COCH: variants seen among roughly 807,000 people sequenced by gnomAD.
The protein encoded by COCH is coagulation factor C homolog, cochlin (Limulus polyphemus).
COCH carries 40 observed loss-of-function variants against 54.8 expected under a neutral mutation model. The observed-to-expected ratio is 0.73, with a 90% CI of 0.57 to 0.95. The LOEUF (loss-of-function observed/expected upper bound fraction) is 0.95. Among genes scored for constraint, COCH ranks in the 40% least tolerant of loss-of-function variants. The probability of loss-of-function intolerance (pLI) is 0.00; values close to 1 mark genes in which losing one functional copy is unlikely to be tolerated. For missense variants in COCH, 605 were observed against 675.0 expected, an observed-to-expected ratio of 0.90 and a Z score of 1.15; for synonymous variants, 256 against 237.9, an observed-to-expected ratio of 1.08 and a Z score of -0.70.
At position 30,889,680 on chromosome 14, in the gene COCH, T is replaced by C; in HGVS notation, c.1542T>C (p.Ser514=). ...APLDDLKDMA[S]KPKESHAFFT... ...TGGATGACCTGAAAGATATGGCTTC[T>C]AAACCGAAGGAGTCTCATGCTTTCT... Residue 514 remains serine, a synonymous_variant, in exon 12 of 12, where the codon TCT becomes TCC. Coordinates refer to ENST00000396618, the MANE Select transcript of COCH (RefSeq NM_004086.3). The C allele has an allele frequency of 6.2e-7, 1 of 1,614,110 alleles. No homozygotes were observed. The highest frequency in any genetic ancestry group is 8.5e-7 in the Non-Finnish European group (1 of 1,179,942).
intron 11 of COCH, among the ~76,000 whole-genome samples, chr14:30,887,079 C>T (rs1475845173): frequency 6.6e-6 from 1 of 152,062 alleles, no homozygotes; most frequent in Non-Finnish European, 1.5e-5. Context: ...TAAGGTCTCC[C>T]ATAGACTTTA....
Position 30,877,426 on chromosome 14 carries a change from G to C in COCH, c.83-146G>C. ...CTTGTGGCTTGCCAAAATCTGGAAT[G>C]GTATGGAAGGGTATATAAGTCAATA... On this transcript the variant is annotated intron_variant, in intron 3 of 11. Transcript: ENST00000396618. This position sits in a 1 kb window ranked among gnomAD's most constrained non-coding sequence, Gnocchi z 8.6. The C allele has an allele frequency of 1.0e-6, 1 of 985,852 alleles. No homozygotes were observed. 61.1% of individuals were successfully genotyped at this position (985,852 alleles called of 1,614,324 possible). A position where few individuals can be genotyped will look rare whatever the true frequency, so the allele number is the denominator to read the frequency against.
rs1895734973 is a variant in COCH at position 30,885,019 on chromosome 14, C to T, written c.733+363C>T. 2.5e-6 allele frequency: 4 copies of T among 1,598,164 alleles called. No homozygotes were observed. In the South Asian group the frequency reaches 3.3e-5, roughly 13 times the overall value. On this transcript the variant is annotated intron_variant, in intron 9 of 11. Transcript: ENST00000396618. ...AAAGAATGAGTAGCACTACCGTTGACTCTGAAGAGAGACTTCTTAGAGGTA... is the reference window on the plus strand; with the variant it reads ...AAAGAATGAGTAGCACTACCGTTGATTCTGAAGAGAGACTTCTTAGAGGTA...
At chr14:30,894,149 AG>A (rs1401382025), downstream of COCH, 1 of 152,582 alleles carries the variant, frequency 6.6e-6, no homozygotes, top group African/African-American at 2.4e-5. Flanking sequence ...AAAATAAAAC[AG>A]GGATAACTAG....
downstream of COCH, chr14:30,894,845 C>G: frequency 1.9e-6 from 1 of 532,614 alleles, no homozygotes; most frequent in Non-Finnish European, 2.7e-6. Context: ...TTTATCCAAA[C>G]ATTTTGTGCA....
intron 6 of COCH, 38 bp from the exon 7 acceptor site, chr14:30,880,414 C>A: frequency 6.2e-7 from 1 of 1,611,434 alleles, no homozygotes; most frequent in South Asian, 1.1e-5. Flanking sequence ...ATGTAACTGT[C>A]TTCCTTTTGT....
At chr14:30,893,666 G>A (rs1195514626), downstream of COCH, 1 of 152,176 alleles carries the variant, frequency 6.6e-6, no homozygotes, top group Non-Finnish European at 1.5e-5. Context: ...TTTAATGCAA[G>A]ACTTTTTCTT....
At chr14:30,887,399 GA>G (rs1204767410) in intron 11 of COCH, among the ~76,000 whole-genome samples, 2,351 of 111,896 alleles carry the variant, frequency 0.021, 59 homozygotes, top group East Asian at 0.11. Flanking sequence ...GTCTCAAAAA[GA>G]AAAAAAAAAA....
Position 30,880,714 on chromosome 14 carries a change from T to C in COCH, c.609T>C (p.His203=). 6.2e-7 allele frequency: 1 copy of C among 1,613,890 alleles called. No individual in the cohort carries two copies. The highest frequency in any genetic ancestry group is 8.5e-7 in the Non-Finnish European group (1 of 1,179,824). ...LMLGIGTEGP[H]VGLVQASEHP... ...TGGGAATTGGAACAGAAGGACCACA[T>C]GTGGGCCTTGTTCAAGCCAGGTACC... Residue 203 remains histidine (H), a synonymous_variant, in exon 8 of 12, where the codon CAT becomes CAC. Transcript: ENST00000396618.
intron 3 of COCH, chr14:30,875,421 G>T: frequency 1.7e-6 from 1 of 596,884 alleles, no homozygotes; most frequent in Non-Finnish European, 3.0e-6. Context: ...AGGAGGTCGA[G>T]GAAGGAGGAC....
In COCH at chr14:30,885,478, T is replaced by C; in HGVS notation, c.818T>C (p.Phe273Ser). 6.2e-7 allele frequency: 1 copy of C among 1,613,980 alleles called. No individual in the cohort carries two copies. Among genetic ancestry groups the C allele is most frequent in the South Asian group, 1.1e-5 (1 of 91,078 alleles). ...RKGIPKVVVV[F>S]IDGWPSDDIE... ...GGGATCCCCAAAGTGGTGGTGGTAT[T>C]TATTGATGGTTGGCCTTCTGATGAC... The change falls in exon 10 of 12, where the codon TTT becomes TCT. Residue 273 changes from phenylalanine (F) to serine (S), a missense_variant. By Grantham distance (155) the Phe-to-Ser change is radical. Transcript: ENST00000396618.
Position 30,882,120 on chromosome 14 carries a change from G to GTTTTGTTTTTTTTTT in COCH, c.629+1390_629+1391insGTTTTTTTTTTTTTT, listed in dbSNP as rs1895617844. ...CCCTAGAGATAATCACTATAAAATG[G>GTTTTGTTTTTTTTTT]TTTTTTTTTTTTTTTTTTTTTTTTT... On this transcript the variant is annotated intron_variant, in intron 8 of 11. Coordinates refer to ENST00000396618, the MANE Select transcript of COCH (RefSeq NM_004086.3). 5.9e-5 allele frequency among the ~76,000 whole-genome samples: 4 copies of GTTTTGTTTTTTTTTT among 67,914 alleles called. No individual in the cohort carries two copies. In the East Asian group the frequency reaches 1.2e-3, roughly 20 times the overall value. 44.6% of individuals were successfully genotyped at this position (67,914 alleles called of 152,430 possible).
In COCH at chr14:30,889,695, T is replaced by C. The variant is rs1895917590; in HGVS notation, c.1557T>C (p.Ser519=). 1.2e-6 allele frequency: 2 copies of C among 1,613,952 alleles called. No homozygotes were observed. The highest frequency in any genetic ancestry group is 1.1e-5 in the South Asian group (1 of 91,090). Residue 519 remains serine (S), a synonymous_variant, in exon 12 of 12, where the codon TCT becomes TCC. Coordinates refer to ENST00000396618, the MANE Select transcript of COCH (RefSeq NM_004086.3). ...ATATGGCTTCTAAACCGAAGGAGTCTCATGCTTTCTTCACAAGAGAGTTCA... is the reference window on the plus strand; with the variant it reads ...ATATGGCTTCTAAACCGAAGGAGTCCCATGCTTTCTTCACAAGAGAGTTCA... The part of the protein sequence containing the change: ...LKDMASKPKE[S]HAFFTREFTG...
chr14:30,892,186 C>T (rs974374928), downstream of COCH, among the ~76,000 whole-genome samples: 1 of 152,130 alleles, frequency 6.6e-6, no homozygotes, highest in Non-Finnish European at 1.5e-5. Flanking sequence ...TTTTTGCATA[C>T]CTTTAGTCTC....
At position 30,889,969 on chromosome 14, in the gene COCH, A is replaced by G; in HGVS notation, c.*178A>G. 1 of 1,368,828 alleles carries G rather than the reference A, an allele frequency of 7.3e-7. No individual in the cohort carries two copies. Among genetic ancestry groups the G allele is most frequent in the East Asian group, 2.7e-5 (1 of 36,732 alleles). The allele number at this position is 1,368,828 out of a possible 1,614,324, so 84.8% of individuals were successfully genotyped here. A position where few individuals can be genotyped will look rare whatever the true frequency, so the allele number is the denominator to read the frequency against. ...AGCCGCTGCCTTCTGGTTACAATTT[A>G]CAGTGTACTTTGTTAAAAACACTGC... On this transcript the variant is annotated 3_prime_UTR_variant, in exon 12 of 12. Transcript: ENST00000396618.
chr14:30,887,021 CCTAA>C (rs1387137226), intron 11 of COCH, among the ~76,000 whole-genome samples: 1 of 152,142 alleles, frequency 6.6e-6, no homozygotes, highest in Non-Finnish European at 1.5e-5. Context: ...CACACCCAAC[CCTAA>C]CTTTTATTTT....
rs1295265222 is a variant in COCH at position 30,885,200 on chromosome 14, G to A, written c.734-194G>A. On this transcript the variant is annotated intron_variant, in intron 9 of 11. Coordinates refer to ENST00000396618, the MANE Select transcript of COCH (RefSeq NM_004086.3). ...TGGCTTGTGAAGATAAATAGGCCTG[G>A]TAGATAATTAAACTTTCCCAGCTGA... 8 of 1,045,854 alleles carry A rather than the reference G, an allele frequency of 7.6e-6. No homozygotes were observed. In the East Asian group the frequency reaches 1.9e-4, roughly 25 times the overall value. 64.8% of individuals were successfully genotyped at this position (1,045,854 alleles called of 1,614,324 possible).
At position 30,886,309 on chromosome 14, in the gene COCH, G is replaced by A. The variant is rs1259900627; in HGVS notation, c.1474G>A (p.Ala492Thr). ...AGGCCCTGCAGCTGCTGCACATGAT[G>A]CAGGTAAGGTCCTTGTTCTTTATAG... The part of the protein sequence containing the change: ...VQGPAAAAHD[A>T]GITIFSVGVA... Residue 492 changes from alanine to threonine, a missense_variant, in exon 11 of 12, where the codon GCA (alanine) becomes ACA (threonine). Coordinates refer to ENST00000396618, the MANE Select transcript of COCH (RefSeq NM_004086.3). The A allele has an allele frequency of 2.5e-6, 4 of 1,614,004 alleles. No individual in the cohort carries two copies. The East Asian group carries it at 6.7e-5, about 27-fold the overall frequency.
chr14:30,895,254 G>A (rs1025314372), downstream of COCH: 14 of 730,830 alleles, frequency 1.9e-5, no homozygotes, highest in Admixed American at 4.3e-4. Context: ...TAATGAGCTT[G>A]ACATTAAGAT....
Sources: allele counts gnomAD v4.1 joint callset (sites outside exome capture counted in the v4.1 genomes callset), GRCh38; gene constraint gnomAD v4.1.1; non-coding constraint Gnocchi (gnomAD v3.1); transcripts MANE v1.5; gene names NCBI Gene and HGNC (gene_info 2026-07-23, HGNC 2026-07-21).